LAMA3: variants seen among roughly 807,000 people sequenced by gnomAD.
LAMA3 encodes laminin subunit alpha 3, also known as laminin subunit alpha-3.
LAMA3 carries 281 observed loss-of-function variants against 402.0 expected under a neutral mutation model. That is an observed-to-expected ratio of 0.70 (90% CI 0.63 to 0.77). The LOEUF is 0.77. LAMA3 is among the 30% of genes least tolerant of loss of function. The pLI, the probability that LAMA3 is intolerant of heterozygous loss-of-function variation, is 0.00. For synonymous variants in LAMA3, 1,431 were observed against 1,558.4 expected (o/e 0.92, Z 1.93); for missense variants, 3,840 against 4,215.5 (o/e 0.91, Z 2.47).
intron 1 of LAMA3, among the ~76,000 whole-genome samples, chr18:23,702,850 TA>T (rs2060816119): frequency 6.6e-6 from 1 of 152,228 alleles, no homozygotes; most frequent in Admixed American, 6.5e-5. Flanking sequence ...TCTCAGGTTC[TA>T]TCTTGGCTCT....
Position 23,839,889 on chromosome 18 carries a change from C to T in LAMA3, c.3296C>T (p.Ser1099Phe). The change falls in exon 27 of 75, where the codon TCT (serine) becomes TTT (phenylalanine). Residue 1099 changes from serine to phenylalanine, a missense_variant. Around this residue, in one of 3 missense-constraint regions of LAMA3, gnomAD observed 2,109 missense variants for 2,376.0 expected, o/e 0.89. Coordinates refer to ENST00000313654, the MANE Select transcript of LAMA3 (RefSeq NM_198129.4). The surrounding 1 kb of genome is among the most constrained non-coding windows in gnomAD (Gnocchi z 4.5). ...FPHLPQQSSP[S>F]VDVLPGVTLK... ...CACCTGCCCCAGCAGTCGTCACCTT[C>T]TGTTGATGTTCTTCCTGGGGTCACC... is the stretch of plus-strand genomic sequence containing the variant. The T allele has an allele frequency of 4.3e-6, 7 of 1,614,230 alleles. No individual in the cohort carries two copies. Among genetic ancestry groups the T allele is most frequent in the Non-Finnish European group, 5.9e-6 (7 of 1,180,040 alleles).
At chr18:23,756,244 T>C (rs1203860690) in intron 6 of LAMA3, among the ~76,000 whole-genome samples, 1 of 151,974 alleles carries the variant, frequency 6.6e-6, no homozygotes, top group Admixed American at 6.6e-5. Context: ...CACCTTCCCT[T>C]AGAGTAGAGT....
intron 5 of LAMA3, among the ~76,000 whole-genome samples, chr18:23,751,761 T>G (rs531954666): frequency 6.6e-6 from 1 of 152,264 alleles, no homozygotes; most frequent in South Asian, 2.1e-4. Flanking sequence ...CATCTCTCAC[T>G]CTCAGGTGTC....
At chr18:23,929,161 C>A (rs1415879162) in intron 64 of LAMA3, among the ~76,000 whole-genome samples, 5 of 152,190 alleles carry the variant, frequency 3.3e-5, no homozygotes, top group African/African-American at 1.2e-4. Flanking sequence ...GTAGCTCTCT[C>A]CAGATTGCCT....
At chr18:23,944,483 C>T (rs2082637523) in intron 69 of LAMA3, among the ~76,000 whole-genome samples, 1 of 152,210 alleles carries the variant, frequency 6.6e-6, no homozygotes, top group South Asian at 2.1e-4. Flanking sequence ...ATTCAGCTGC[C>T]TTCCTGGAAC....
chr18:23,747,967 A>T lies in LAMA3; in HGVS notation c.472A>T (p.Ile158Phe). The T allele has an allele frequency of 6.2e-7, 1 of 1,608,152 alleles. No homozygotes were observed. The highest frequency in any genetic ancestry group is 2.2e-5 in the East Asian group (1 of 44,836). Residue 158 changes from isoleucine to phenylalanine, a missense_variant, in exon 3 of 75, where the codon ATC (isoleucine) becomes TTC (phenylalanine). By Grantham distance (21) the Ile-to-Phe change is conservative. Transcript: ENST00000313654. Reference protein sequence around the residue: ...GQLFHVAYILIKFANSPRPDL... With the variant: ...GQLFHVAYILFKFANSPRPDL... ...GCTCTTCCATGTGGCCTATATTTTA[A>T]TCAAATTTGCAAATTCTCCTCGCCC...
chr18:23,695,705 G>A (rs1226369531), intron 1 of LAMA3, among the ~76,000 whole-genome samples: 1 of 142,886 alleles, frequency 7.0e-6, no homozygotes, highest in Non-Finnish European at 1.5e-5. Flanking sequence ...GGCTGAAGCA[G>A]GAGAATTGCT....
intron 11 of LAMA3, chr18:23,781,290 C>T (rs533434547): frequency 1.1e-4 from 51 of 456,096 alleles, no homozygotes; most frequent in African/African-American, 5.8e-4. Flanking sequence ...CTGTGATGGA[C>T]GGACAGGGTG....
rs1196838670 is a variant in LAMA3, at chr18:23,928,649, A to G, written c.8320A>G (p.Arg2774Gly). Residue 2774 changes from arginine (R) to glycine (G), a missense_variant, in exon 64 of 75, where the codon AGA becomes GGA. Coordinates refer to ENST00000313654, the MANE Select transcript of LAMA3 (RefSeq NM_198129.4). Reference protein sequence around the residue: ...WKLVRSASFSRGGQLSFTDLG... With the variant: ...WKLVRSASFSGGGQLSFTDLG... Reference sequence around the variant, plus strand: ...GCTTGTGCGATCTGCCTCATTCTCCAGAGGAGGACAATTGAGTTTCACTGA... The same window carrying G: ...GCTTGTGCGATCTGCCTCATTCTCCGGAGGAGGACAATTGAGTTTCACTGA... 6.2e-7 allele frequency: 1 copy of G among 1,614,018 alleles called. No homozygotes were observed. The highest frequency in any genetic ancestry group is 8.5e-7 in the Non-Finnish European group (1 of 1,179,854).
At chr18:23,882,253 G>C (rs1280384680) in intron 40 of LAMA3, among the ~76,000 whole-genome samples, 1 of 152,202 alleles carries the variant, frequency 6.6e-6, no homozygotes, top group Non-Finnish European at 1.5e-5. Flanking sequence ...GAATTGTACA[G>C]TTTACATGAT....
chr18:23,820,127 G>A, intron 19 of LAMA3, 130 bp downstream of exon 19: 1 of 946,370 alleles, frequency 1.1e-6, no homozygotes, highest in South Asian at 1.4e-5. Flanking sequence ...TCTATATTAT[G>A]GGTTGGCATT....
chr18:23,858,560 C>A (rs907729660), intron 33 of LAMA3, 129 bp from the exon 34 acceptor site: 7 of 841,914 alleles, frequency 8.3e-6, no homozygotes, highest in East Asian at 2.5e-5. Flanking sequence ...TAATTAACAT[C>A]TCTTTTAATG....
chr18:23,845,355 C>T (rs940960006), intron 30 of LAMA3, among the ~76,000 whole-genome samples: 5 of 152,216 alleles, frequency 3.3e-5, no homozygotes, highest in African/African-American at 7.2e-5. Flanking sequence ...ATGAACTCAA[C>T]GGGGGTCCGT....
At chr18:23,840,290 G>C (rs1220497435) in intron 27 of LAMA3, among the ~76,000 whole-genome samples, 1 of 151,810 alleles carries the variant, frequency 6.6e-6, no homozygotes, top group Non-Finnish European at 1.5e-5. Flanking sequence ...TTTGTGGACT[G>C]CTGCTGTTTA....
intron 12 of LAMA3, among the ~76,000 whole-genome samples, chr18:23,792,972 A>G (rs565087251): frequency 3.7e-4 from 57 of 152,270 alleles, no homozygotes; most frequent in African/African-American, 1.3e-3. Flanking sequence ...ACTGCTATTG[A>G]GAAGATACAG....
At chr18:23,714,165 A>G (rs2061050754) in intron 2 of LAMA3, 93 bp downstream of exon 2, 2 of 1,271,448 alleles carry the variant, frequency 1.6e-6, no homozygotes, top group South Asian at 1.3e-5. Flanking sequence ...AAAAAAAAAC[A>G]AACTTCAGTT....
intron 1 of LAMA3, among the ~76,000 whole-genome samples, chr18:23,693,949 T>A (rs191106936): frequency 1.3e-5 from 2 of 152,190 alleles, no homozygotes; most frequent in East Asian, 3.9e-4. Flanking sequence ...GCCAAGCGGG[T>A]GAGTAGGGTC....
chr18:23,713,905 C>CT lies in LAMA3; in HGVS notation c.295-4dup, dbSNP rs112340800. The CT allele has an allele frequency of 0.085, 73,404 of 868,602 alleles. 2 individuals carry two copies. Among genetic ancestry groups the CT allele is most frequent in the Non-Finnish European group, 0.096 (58,585 of 613,206 alleles). The allele number at this position is 868,602 out of a possible 1,614,324, so 53.8% of individuals were successfully genotyped here. On this transcript the variant is annotated splice_polypyrimidine_tract_variant and intron_variant, in intron 1 of 74. Coordinates refer to ENST00000313654, the MANE Select transcript of LAMA3 (RefSeq NM_198129.4). ...AAAAACAAAAAACAAAAAAAACCCACTTTTTTTTTTTCAGGGCCAGTTCTG... is the reference window on the plus strand; with the variant it reads ...AAAAACAAAAAACAAAAAAAACCCACTTTTTTTTTTTTCAGGGCCAGTTCTG...
intron 47 of LAMA3, among the ~76,000 whole-genome samples, chr18:23,900,386 T>C (rs2081032937): frequency 6.6e-6 from 1 of 152,212 alleles, no homozygotes; most frequent in Non-Finnish European, 1.5e-5. Flanking sequence ...AATGAACTTT[T>C]GACTGCATTT....
Sources: allele counts gnomAD v4.1 joint callset (sites outside exome capture counted in the v4.1 genomes callset), GRCh38; gene constraint gnomAD v4.1.1; regional missense constraint gnomAD v4.1.1; non-coding constraint Gnocchi (gnomAD v3.1); transcripts MANE v1.5; gene names NCBI Gene and HGNC (gene_info 2026-07-23, HGNC 2026-07-21).